Variants in ZMAT4 observed in about 807,000 individuals in gnomAD.
ZMAT4 encodes the protein zinc finger matrin-type protein 4.
Under a neutral mutation model 28.7 loss-of-function variants are expected in ZMAT4, and 17 were observed. The ratio of observed to expected loss-of-function variants is 0.59; its 90% CI spans 0.41 to 0.89. The LOEUF (loss-of-function observed/expected upper bound fraction) is 0.89. ZMAT4 is among the 40% of genes least tolerant of loss of function. The probability of loss-of-function intolerance (pLI) is 0.00; values close to 1 mark genes in which losing one functional copy is unlikely to be tolerated. For synonymous variants in ZMAT4, 117 were observed against 109.2 expected (o/e 1.07, Z -0.44); for missense variants, 240 against 283.8 (o/e 0.85, Z 1.11).
chr8:40,814,481 G>C (rs928114564), intron 2 of ZMAT4, among the ~76,000 whole-genome samples: 2 of 152,188 alleles, frequency 1.3e-5, no homozygotes, highest in Admixed American at 6.5e-5. Flanking sequence ...CAACTGATAT[G>C]TGCATCACTA....
intron 3 of ZMAT4, among the ~76,000 whole-genome samples, chr8:40,726,306 T>C (rs777735577): frequency 6.6e-6 from 1 of 152,342 alleles, no homozygotes; most frequent in Non-Finnish European, 1.5e-5. Flanking sequence ...TTCTCATTCA[T>C]TTGGTGGCAT....
chr8:40,759,178 A>G (rs1812820871), intron 3 of ZMAT4, among the ~76,000 whole-genome samples: 1 of 150,474 alleles, frequency 6.6e-6, no homozygotes, highest in African/African-American at 2.4e-5. Flanking sequence ...GATACTCAGG[A>G]GGCTGAGGCA....
At chr8:40,750,297 T>G (rs765427655) in intron 3 of ZMAT4, among the ~76,000 whole-genome samples, 1 of 152,180 alleles carries the variant, frequency 6.6e-6, no homozygotes, top group Non-Finnish European at 1.5e-5. Flanking sequence ...TTCTTCGTTC[T>G]GCAAGAATAA....
intron 3 of ZMAT4, among the ~76,000 whole-genome samples, chr8:40,705,380 G>A (rs1190248315): frequency 6.6e-6 from 1 of 152,106 alleles, no homozygotes; most frequent in Non-Finnish European, 1.5e-5. Context: ...CAGGTGGGAA[G>A]ATCACAGCAC....
chr8:40,864,623 T>C (rs1817615032), intron 1 of ZMAT4, among the ~76,000 whole-genome samples: 2 of 152,178 alleles, frequency 1.3e-5, no homozygotes, highest in Non-Finnish European at 2.9e-5. Flanking sequence ...CCCCAGGTCA[T>C]AAAGGTGCCA....
At chr8:40,670,068 AT>A (rs1808602992) in intron 5 of ZMAT4, among the ~76,000 whole-genome samples, 1 of 152,210 alleles carries the variant, frequency 6.6e-6, no homozygotes, top group Non-Finnish European at 1.5e-5. Context: ...TTATATAGAC[AT>A]TTAAAGGATT....
chr8:40,870,114 T>C (rs1817802064), intron 1 of ZMAT4, among the ~76,000 whole-genome samples: 1 of 152,176 alleles, frequency 6.6e-6, no homozygotes, highest in South Asian at 2.1e-4. Context: ...AATGTACACC[T>C]ATAAAGGAAA....
intron 5 of ZMAT4, among the ~76,000 whole-genome samples, chr8:40,604,749 A>G (rs1805521423): frequency 6.6e-6 from 1 of 152,118 alleles, no homozygotes; most frequent in South Asian, 2.1e-4. Flanking sequence ...AACGATTTAG[A>G]AAGGATTTCC....
intron 2 of ZMAT4, among the ~76,000 whole-genome samples, chr8:40,797,984 A>G (rs1016706262): frequency 3.3e-5 from 5 of 152,206 alleles, no homozygotes; most frequent in African/African-American, 1.2e-4. Flanking sequence ...GGGAGGCAGT[A>G]TCAGGTGTCC....
intron 3 of ZMAT4, among the ~76,000 whole-genome samples, chr8:40,711,121 G>A (rs1810598170): frequency 6.6e-6 from 1 of 152,098 alleles, no homozygotes; most frequent in Non-Finnish European, 1.5e-5. Flanking sequence ...TGAATTCATA[G>A]TAATATTTCC....
intron 3 of ZMAT4, among the ~76,000 whole-genome samples, chr8:40,750,909 AATTCT>A (rs1254660873): frequency 6.6e-6 from 1 of 152,224 alleles, no homozygotes; most frequent in African/African-American, 2.4e-5. Flanking sequence ...TTGCCACCAG[AATTCT>A]TTTATTCAAA....
chr8:40,774,230 A>T (rs1268673362), intron 2 of ZMAT4, among the ~76,000 whole-genome samples: 1 of 152,204 alleles, frequency 6.6e-6, no homozygotes, highest in Non-Finnish European at 1.5e-5. Context: ...AAAGGATAGA[A>T]ATAGGAATTG....
At chr8:40,751,997 A>G (rs573657315) in intron 3 of ZMAT4, among the ~76,000 whole-genome samples, 25 of 152,226 alleles carry the variant, frequency 1.6e-4, no homozygotes, top group African/African-American at 5.5e-4. Context: ...TGCCTTTTAA[A>G]TTTAAGGAAG....
intron 6 of ZMAT4, among the ~76,000 whole-genome samples, chr8:40,550,506 T>C (rs1803335007): frequency 6.6e-6 from 1 of 152,182 alleles, no homozygotes. Context: ...GCTCTGTGTC[T>C]CCACCCAAAT....
chr8:40,720,265 A>T (rs960969677), intron 3 of ZMAT4, among the ~76,000 whole-genome samples: 5 of 152,196 alleles, frequency 3.3e-5, no homozygotes, highest in African/African-American at 1.2e-4. Flanking sequence ...ATTATTGAGT[A>T]TGAATGTAAA....
intron 5 of ZMAT4, among the ~76,000 whole-genome samples, chr8:40,639,262 A>T (rs1239142531): frequency 6.6e-6 from 1 of 152,098 alleles, no homozygotes; most frequent in Non-Finnish European, 1.5e-5. Flanking sequence ...TAGTTATGAA[A>T]ATTGGGGATA....
intron 5 of ZMAT4, among the ~76,000 whole-genome samples, chr8:40,620,104 T>C (rs1359720110): frequency 6.6e-6 from 1 of 152,216 alleles, no homozygotes; most frequent in East Asian, 1.9e-4. Context: ...ACTAGCCGTG[T>C]AGGGTTCTCA....
chr8:40,817,524 C>T (rs566357612), intron 2 of ZMAT4, among the ~76,000 whole-genome samples: 5 of 152,322 alleles, frequency 3.3e-5, no homozygotes, highest in Non-Finnish European at 7.4e-5. Flanking sequence ...GTCACAGTGT[C>T]GCCCTGCAGG....
rs1308357546 is a variant in ZMAT4, at chr8:40,589,766, C to CTTTCTTTCTTTCTTTCTTTCTTTCTT, written c.578-8506_578-8505insAAGAAAGAAAGAAAGAAAGAAAGAAA. On this transcript the variant is annotated intron_variant, in intron 5 of 6. Transcript: ENST00000297737. ...TTTCTTTCTTTCTTTCTTTCTTTTT[C>CTTTCTTTCTTTCTTTCTTTCTTTCTT]TTTCTTTCTTTCCTTTCTTTCTTTT... 1.2e-3 allele frequency among the ~76,000 whole-genome samples: 160 copies of CTTTCTTTCTTTCTTTCTTTCTTTCTT among 134,674 alleles called. 1 individual carries two copies. The highest frequency in any genetic ancestry group is 4.3e-3 in the African/African-American group (154 of 36,018). The allele number at this position is 134,674 out of a possible 152,430, so 88.4% of individuals were successfully genotyped here. A position where few individuals can be genotyped will look rare whatever the true frequency, so the allele number is the denominator to read the frequency against.
Sources: allele counts gnomAD v4.1 joint callset (sites outside exome capture counted in the v4.1 genomes callset), GRCh38; gene constraint gnomAD v4.1.1; transcripts MANE v1.5; gene names NCBI Gene and HGNC (gene_info 2026-07-23, HGNC 2026-07-21).